The following IFT57 variants were observed in gnomAD, a reference collection of about 807,000 sequenced individuals.
The protein encoded by IFT57 is intraflagellar transport 57.
Under a neutral mutation model 56.8 loss-of-function variants are expected in IFT57, and 59 were observed. The ratio of observed to expected loss-of-function variants is 1.04; its 90% CI spans 0.84 to 1.29. The LOEUF (loss-of-function observed/expected upper bound fraction) is 1.29. Among genes scored for constraint, IFT57 ranks in the 50% most tolerant of loss-of-function variants. The pLI is 0.00. For synonymous variants in IFT57, 209 were observed against 186.1 expected, an observed-to-expected ratio of 1.12 and a Z score of -1.00; for missense variants, 470 against 522.1, an observed-to-expected ratio of 0.90 and a Z score of 0.97.
chr3:108,164,442 G>A (rs138393782), intron 9 of IFT57, among the ~76,000 whole-genome samples: 135 of 152,096 alleles, frequency 8.9e-4, no homozygotes, highest in African/African-American at 3.2e-3. Context: ...TAATTATTGT[G>A]ACTTAGTAGG....
At chr3:108,176,493 C>G (rs1302348628) in intron 6 of IFT57, among the ~76,000 whole-genome samples, 2 of 151,774 alleles carry the variant, frequency 1.3e-5, no homozygotes, top group Non-Finnish European at 2.9e-5. Flanking sequence ...CAGTAAGAAG[C>G]ACAAGAAGTT....
At chr3:108,216,909 G>A (rs776975138) in intron 3 of IFT57, among the ~76,000 whole-genome samples, 2 of 152,052 alleles carry the variant, frequency 1.3e-5, no homozygotes, top group Non-Finnish European at 2.9e-5. Flanking sequence ...GTATAATAGT[G>A]GTTACCATAG....
At chr3:108,183,529 C>A (rs1047549170) in intron 6 of IFT57, among the ~76,000 whole-genome samples, 1 of 152,136 alleles carries the variant, frequency 6.6e-6, no homozygotes, top group African/African-American at 2.4e-5. Context: ...TTATACCCTG[C>A]TTCTAGTTTA....
intron 4 of IFT57, among the ~76,000 whole-genome samples, chr3:108,210,195 G>A (rs531201269): frequency 8.2e-4 from 124 of 151,936 alleles, no homozygotes; most frequent in African/African-American, 2.5e-3. Flanking sequence ...TACAATAGGC[G>A]GGAATATTTT....
intron 6 of IFT57, among the ~76,000 whole-genome samples, chr3:108,175,320 T>C (rs1463154119): frequency 1.3e-5 from 2 of 151,828 alleles, no homozygotes; most frequent in African/African-American, 4.8e-5. Context: ...AGAATTTCTA[T>C]GTTTCAAAAT....
chr3:108,197,211 A>T (rs13325007), intron 5 of IFT57, among the ~76,000 whole-genome samples: 2 of 152,154 alleles, frequency 1.3e-5, no homozygotes, highest in Non-Finnish European at 2.9e-5. Context: ...AATTAAATTA[A>T]TAAGCCATTT....
rs566330298 is a variant in IFT57 at position 108,162,823 on chromosome 3, G to T, written c.1112-168C>A. 7.2e-5 allele frequency among the ~76,000 whole-genome samples: 11 copies of T among 152,194 alleles called. No individual in the cohort carries two copies. The South Asian group carries it at 2.3e-3, about 32-fold the overall frequency. Reference sequence around the variant, plus strand: ...TTTTGCTGTGGCATTTTAAGCACCTGAGATTTTTTAGGATGGAAAAATGAT... The same window carrying T: ...TTTTGCTGTGGCATTTTAAGCACCTTAGATTTTTTAGGATGGAAAAATGAT... On this transcript the variant is annotated intron_variant, in intron 10 of 10. Transcript: ENST00000264538.
intron 10 of IFT57, 107 bp downstream of exon 10, chr3:108,163,556 G>T: frequency 1.4e-6 from 1 of 721,054 alleles, no homozygotes; most frequent in Non-Finnish European, 2.4e-6. Context: ...CTTCAAACAA[G>T]CAACAAATAA....
intron 4 of IFT57, among the ~76,000 whole-genome samples, chr3:108,210,644 T>C (rs1346025061): frequency 6.6e-6 from 1 of 151,838 alleles, no homozygotes; most frequent in East Asian, 1.9e-4. Flanking sequence ...ACCTTTACCA[T>C]CCTTGAGCAA....
chr3:108,201,408 T>C (rs1037553420), intron 5 of IFT57, among the ~76,000 whole-genome samples: 3 of 152,210 alleles, frequency 2.0e-5, no homozygotes, highest in Non-Finnish European at 2.9e-5. Context: ...GCAGAGCTTT[T>C]TTCTCTAGCC....
intron 5 of IFT57, among the ~76,000 whole-genome samples, chr3:108,199,446 T>G (rs868483033): frequency 3.9e-5 from 6 of 152,098 alleles, no homozygotes; most frequent in African/African-American, 1.4e-4. Context: ...GCCAAAAAAC[T>G]GAAATAGGAA....
chr3:108,196,749 G>A (rs2080246606), intron 5 of IFT57, among the ~76,000 whole-genome samples: 1 of 152,170 alleles, frequency 6.6e-6, no homozygotes. Context: ...AGGGCAAAAA[G>A]AGAACATTAG....
chr3:108,190,029 A>C (rs2080206461), intron 6 of IFT57, among the ~76,000 whole-genome samples: 1 of 152,138 alleles, frequency 6.6e-6, no homozygotes, highest in South Asian at 2.1e-4. Context: ...TGGCAGAGGC[A>C]GAAGGGGAAG....
chr3:108,167,030 A>AT, intron 7 of IFT57, 45 bp from the exon 8 acceptor site: 2 of 1,549,820 alleles, frequency 1.3e-6, no homozygotes, highest in South Asian at 1.2e-5. Flanking sequence ...TCACAAACAT[A>AT]TTTTTTCAAA....
chr3:108,193,920 G>T (rs1236808813), intron 5 of IFT57, among the ~76,000 whole-genome samples: 1 of 152,288 alleles, frequency 6.6e-6, no homozygotes, highest in East Asian at 1.9e-4. Context: ...TACCACACAG[G>T]ATAGACTAAT....
chr3:108,176,746 C>T (rs9878123), intron 6 of IFT57, among the ~76,000 whole-genome samples: 14,647 of 151,818 alleles, frequency 0.096, 773 homozygotes, highest in Middle Eastern at 0.12. Context: ...CTGTGTTATC[C>T]ACTTTAGTTA....
At chr3:108,191,480 CTT>C (rs60290956) in intron 6 of IFT57, 39 bp downstream of exon 6, 3,092 of 1,168,580 alleles carry the variant, frequency 2.6e-3, no homozygotes, top group South Asian at 5.4e-3. Context: ...TTCCTTATAA[CTT>C]TTTTTTTTTT....
At chr3:108,196,659 A>G (rs2080245905) in intron 5 of IFT57, among the ~76,000 whole-genome samples, 1 of 152,232 alleles carries the variant, frequency 6.6e-6, no homozygotes, top group Non-Finnish European at 1.5e-5. Context: ...ATGATTTAAC[A>G]TAGGAGCTCA....
chr3:108,178,909 T>A (rs1375860279), intron 6 of IFT57, among the ~76,000 whole-genome samples: 1 of 125,820 alleles, frequency 7.9e-6, no homozygotes, highest in Non-Finnish European at 1.8e-5. Flanking sequence ...TAGAAATGTG[T>A]ACATTCCAGT....
Sources: gnomAD v4.1 joint callset for allele counts (sites outside exome capture counted in the v4.1 genomes callset) on GRCh38, gnomAD v4.1.1 for gene constraint, MANE v1.5 for transcripts, NCBI Gene and HGNC (gene_info 2026-07-23, HGNC 2026-07-21) for gene names.